Variants in COL6A6 observed in about 807,000 individuals in gnomAD.
The protein encoded by COL6A6 is collagen type VI alpha 6 chain.
A neutral mutation model predicts 208.6 loss-of-function variants in COL6A6; 183 were observed. The observed-to-expected ratio is 0.88, with a 90% CI of 0.78 to 0.99. The LOEUF is 0.99. COL6A6 is among the 50% of genes least tolerant of loss of function. COL6A6 has a pLI of 0.00. For synonymous variants in COL6A6, 973 were observed against 1,011.8 expected, an observed-to-expected ratio of 0.96 and a Z score of 0.73; for missense variants, 2,816 against 2,815.2, an observed-to-expected ratio of 1.00 and a Z score of -0.01.
rs1463752304 is a variant in COL6A6 at position 130,649,357 on chromosome 3, G to A, written c.5528G>A (p.Gly1843Asp). The A allele has an allele frequency of 6.2e-7, 1 of 1,611,250 alleles. No homozygotes were observed. The highest frequency in any genetic ancestry group is 8.5e-7 in the Non-Finnish European group (1 of 1,178,790). Residue 1843 changes from glycine to aspartate, a missense_variant, in exon 33 of 37, where the codon GGC (glycine) becomes GAC (aspartate). Physicochemically the swap from Gly to Asp is moderately conservative, Grantham distance 94. Transcript: ENST00000358511. ...YERSSASREI[G>D]RAMRFISRNV... ...AGATCCTCTGCCAGCAGGGAGATTGGCAGAGCAATGCGGTTTATTTCCAGG... is the reference window on the plus strand; with the variant it reads ...AGATCCTCTGCCAGCAGGGAGATTGACAGAGCAATGCGGTTTATTTCCAGG...
intron 36 of COL6A6, among the ~76,000 whole-genome samples, chr3:130,665,301 T>A (rs986047008): frequency 1.3e-5 from 2 of 152,202 alleles, no homozygotes; most frequent in Non-Finnish European, 2.9e-5. Context: ...ATTGCTTTTT[T>A]TTTTAATGGA....
chr3:130,626,162 G>A (rs2064878828), intron 24 of COL6A6, among the ~76,000 whole-genome samples: 1 of 152,238 alleles, frequency 6.6e-6, no homozygotes, highest in South Asian at 2.1e-4. Context: ...CATCTTTGCA[G>A]AGGCCAGATG....
chr3:130,517,934 G>C (rs28526171), intron 1 of COL6A6, among the ~76,000 whole-genome samples: 14,381 of 152,252 alleles, frequency 0.094, 1,394 homozygotes, highest in African/African-American at 0.25. Flanking sequence ...AAGGAAAGCA[G>C]AGAAAATGCA....
At chr3:130,564,408 A>G (rs1049963423) in intron 3 of COL6A6, among the ~76,000 whole-genome samples, 2 of 152,248 alleles carry the variant, frequency 1.3e-5, no homozygotes, top group African/African-American at 4.8e-5. Context: ...CAATGTGTTC[A>G]AAGTGTACAT....
At chr3:130,662,449 A>G (rs1416348353) in intron 35 of COL6A6, 141 bp downstream of exon 35, 2 of 758,868 alleles carry the variant, frequency 2.6e-6, no homozygotes, top group East Asian at 5.0e-5. Flanking sequence ...GAAAATATAT[A>G]ATGACGGATG....
At chr3:130,608,763 C>CA in intron 21 of COL6A6, 139 bp from the exon 22 acceptor site, 1 of 308,646 alleles carries the variant, frequency 3.2e-6, no homozygotes, top group Non-Finnish European at 5.4e-6. Context: ...TATTTTTCAC[C>CA]TTTTTTTTTT....
intron 10 of COL6A6, among the ~76,000 whole-genome samples, chr3:130,582,844 C>T: frequency 6.6e-6 from 1 of 152,170 alleles, no homozygotes. Flanking sequence ...TGGAAGGTTG[C>T]TGTCCACCCC....
chr3:130,570,276 G>A (rs942063627), intron 6 of COL6A6, among the ~76,000 whole-genome samples: 3 of 152,224 alleles, frequency 2.0e-5, no homozygotes, highest in Admixed American at 1.3e-4. Flanking sequence ...GAAAATAGAT[G>A]TTTCAAAAAA....
At chr3:130,664,595 G>A (rs2066025186) in intron 35 of COL6A6, among the ~76,000 whole-genome samples, 2 of 152,136 alleles carry the variant, frequency 1.3e-5, no homozygotes, top group Admixed American at 1.3e-4. Flanking sequence ...TATTGTTGCT[G>A]TTGTTAGTGT....
intron 10 of COL6A6, among the ~76,000 whole-genome samples, chr3:130,586,058 G>A (rs530961218): frequency 4.6e-5 from 7 of 152,298 alleles, no homozygotes; most frequent in East Asian, 3.9e-4. Flanking sequence ...AGGCTTAAGC[G>A]ATCCTCCCAC....
In COL6A6 at chr3:130,598,430, A is replaced by G. The variant is rs574654717; in HGVS notation, c.4599A>G (p.Gln1533=). The change falls in exon 19 of 37, where the codon CAA becomes CAG. Residue 1533 remains glutamine (Q), a splice_region_variant and synonymous_variant. Transcript: ENST00000358511. ...PTGLKGERGR[Q]GRRGWPGPPG... is the part of the protein sequence containing the mutation. Reference sequence around the variant, plus strand: ...GCTTGAAAGGAGAACGTGGAAGACAAGTAATTACGTGGGCTTGTAAAATCG... The same window carrying G: ...GCTTGAAAGGAGAACGTGGAAGACAGGTAATTACGTGGGCTTGTAAAATCG... 55 of 1,546,710 alleles carry G rather than the reference A, an allele frequency of 3.6e-5. No individual in the cohort carries two copies. In the South Asian group the frequency reaches 6.3e-4, roughly 18 times the overall value.
intron 5 of COL6A6, 42 bp from the exon 6 acceptor site, chr3:130,568,005 A>C: frequency 6.7e-7 from 1 of 1,502,312 alleles, no homozygotes; most frequent in Non-Finnish European, 9.0e-7. Flanking sequence ...AACTTTTTAC[A>C]TGTAGCTGAC....
intron 20 of COL6A6, among the ~76,000 whole-genome samples, chr3:130,602,765 A>T (rs1447646684): frequency 2.0e-5 from 3 of 152,242 alleles, no homozygotes. Flanking sequence ...TTAGAATTTT[A>T]TCTGTAAGAA....
At chr3:130,560,501 AAAGTTAC>A in intron 2 of COL6A6, 73 bp downstream of exon 2, 1 of 1,336,158 alleles carries the variant, frequency 7.5e-7, no homozygotes, top group Non-Finnish European at 1.0e-6. Context: ...GACCTATTTA[AAAGTTAC>A]AAGTTTTGTA....
upstream of COL6A6, among the ~76,000 whole-genome samples, chr3:130,516,842 C>A (rs929851165): frequency 1.2e-4 from 18 of 152,222 alleles, no homozygotes; most frequent in African/African-American, 2.4e-5. Flanking sequence ...AACAACAGTT[C>A]CAACGGTAGG....
At chr3:130,610,803 T>C (rs1560064225) in intron 23 of COL6A6, 92 bp downstream of exon 23, 1 of 898,674 alleles carries the variant, frequency 1.1e-6, no homozygotes, top group Non-Finnish European at 1.7e-6. Flanking sequence ...TATTTACTGC[T>C]TGTGAACCAG....
chr3:130,624,911 T>C (rs1165524652), intron 24 of COL6A6, among the ~76,000 whole-genome samples: 2 of 152,188 alleles, frequency 1.3e-5, no homozygotes, highest in Admixed American at 1.3e-4. Flanking sequence ...GCAAGCAACC[T>C]GGCAGTTAAT....
At chr3:130,607,699 A>T (rs1388676580) in intron 21 of COL6A6, among the ~76,000 whole-genome samples, 2 of 152,216 alleles carry the variant, frequency 1.3e-5, no homozygotes, top group African/African-American at 4.8e-5. Flanking sequence ...ACAGAGTAAT[A>T]ACCTGAAGGT....
In COL6A6 at chr3:130,589,170, A is replaced by T; in HGVS notation, c.4206A>T (p.Pro1402=). The T allele has an allele frequency of 6.2e-7, 1 of 1,612,794 alleles. No individual in the cohort carries two copies. The highest frequency in any genetic ancestry group is 1.1e-5 in the South Asian group (1 of 91,006). ...GGDGTMGDPG[P]PGKRGPPGFK... is the part of the protein sequence containing the mutation. Reference sequence around the variant, plus strand: ...ATGGCACAATGGGAGATCCTGGACCACCAGGGAAAAGGGTGATTTTAGCTC... The same window carrying T: ...ATGGCACAATGGGAGATCCTGGACCTCCAGGGAAAAGGGTGATTTTAGCTC... Residue 1402 remains proline, a synonymous_variant, in exon 12 of 37, where the codon CCA becomes CCT. Transcript: ENST00000358511.
Sources: allele counts gnomAD v4.1 joint callset (sites outside exome capture counted in the v4.1 genomes callset), GRCh38; gene constraint gnomAD v4.1.1; transcripts MANE v1.5; gene names NCBI Gene and HGNC (gene_info 2026-07-23, HGNC 2026-07-21).